The following TNFRSF19 variants were observed in gnomAD, a reference collection of about 807,000 sequenced individuals.
The protein encoded by TNFRSF19 is TNF receptor superfamily member 19, also known as tumor necrosis factor receptor superfamily member 19.
A neutral mutation model predicts 46.4 loss-of-function variants in TNFRSF19; 27 were observed. That is an observed-to-expected ratio of 0.58 (90% CI 0.43 to 0.80). TNFRSF19 has a LOEUF of 0.80. Ranked by LOEUF, TNFRSF19 falls within the 30% of genes least tolerant of loss-of-function variation. TNFRSF19 has a pLI of 0.00. For synonymous variants in TNFRSF19, 204 were observed against 205.0 expected, an observed-to-expected ratio of 1.00 and a Z score of 0.04; for missense variants, 511 against 530.8, an observed-to-expected ratio of 0.96 and a Z score of 0.37.
Position 23,587,411 on chromosome 13 carries a change from T to G in TNFRSF19, c.-34-2739T>G, listed in dbSNP as rs532162400. Among the ~76,000 whole-genome samples the G allele has an allele frequency of 3.3e-5, 5 of 152,340 alleles. No homozygotes were observed. The East Asian group carries it at 7.7e-4, about 24-fold the overall frequency. ...GGCCAGGCTATGTCAAAAGGTGTTT[T>G]GGAGATCACTACCTTGGCCAAGCTG... is the stretch of plus-strand genomic sequence containing the variant. On this transcript the variant is annotated intron_variant, in intron 1 of 9. Transcript: ENST00000248484.
intron 4 of TNFRSF19, among the ~76,000 whole-genome samples, chr13:23,623,610 T>A (rs1881813587): frequency 6.6e-6 from 1 of 152,192 alleles, no homozygotes; most frequent in Admixed American, 6.5e-5. Flanking sequence ...TGCCAACACT[T>A]GTTATTATCT....
At chr13:23,632,771 T>C (rs533403703) in intron 5 of TNFRSF19, among the ~76,000 whole-genome samples, 1 of 152,268 alleles carries the variant, frequency 6.6e-6, no homozygotes, top group African/African-American at 2.4e-5. Flanking sequence ...TTGGAACTCA[T>C]TTATTTTTTG....
intron 2 of TNFRSF19, among the ~76,000 whole-genome samples, chr13:23,593,009 A>T (rs1020551593): frequency 1.3e-4 from 20 of 151,816 alleles, no homozygotes; most frequent in Admixed American, 5.9e-4. Flanking sequence ...ATATCTTCTT[A>T]CTTAGAGAAG....
At chr13:23,591,724 C>T (rs201110498) in intron 2 of TNFRSF19, among the ~76,000 whole-genome samples, 6 of 84,782 alleles carry the variant, frequency 7.1e-5, no homozygotes, top group East Asian at 2.8e-4. Context: ...TTCTTTCTTT[C>T]TTTCTTTTTT....
intron 1 of TNFRSF19, among the ~76,000 whole-genome samples, chr13:23,586,560 T>A (rs1304900273): frequency 6.6e-6 from 1 of 152,226 alleles, no homozygotes; most frequent in Non-Finnish European, 1.5e-5. Context: ...TCCCCGGCAG[T>A]GCTCCCCTGT....
chr13:23,640,046 A>G (rs1882938821), intron 5 of TNFRSF19, among the ~76,000 whole-genome samples: 1 of 152,118 alleles, frequency 6.6e-6, no homozygotes, highest in Non-Finnish European at 1.5e-5. Flanking sequence ...ACACCTGACT[A>G]AGACACTGTA....
chr13:23,572,269 CT>C (rs964738422), intron 1 of TNFRSF19, among the ~76,000 whole-genome samples: 5 of 150,730 alleles, frequency 3.3e-5, no homozygotes, highest in African/African-American at 9.8e-5. Context: ...GAGGCATTTG[CT>C]TTTTTTTTCT....
rs138634567 is a variant in TNFRSF19 at position 23,615,888 on chromosome 13, G to A, written c.202G>A (p.Glu68Lys). Residue 68 changes from glutamate (E) to lysine (K), a missense_variant, in exon 4 of 10, where the codon GAG becomes AAG. Coordinates refer to ENST00000248484, the MANE Select transcript of TNFRSF19 (RefSeq NM_148957.4). ...ACAGGAATGTGGCTTCGGCTATGGG[G>A]AGGATGCACAGTGTGTGACGTGCCG... ...LSKECGFGYG[E>K]DAQCVTCRLH... 5.5e-5 allele frequency: 89 copies of A among 1,610,198 alleles called. No homozygotes were observed. Among genetic ancestry groups the A allele is most frequent in the Non-Finnish European group, 6.3e-5 (74 of 1,177,802 alleles).
chr13:23,651,644 T>C (rs1024151488), intron 5 of TNFRSF19, among the ~76,000 whole-genome samples: 1 of 152,140 alleles, frequency 6.6e-6, no homozygotes, highest in African/African-American at 2.4e-5. Context: ...AAAATGAAGT[T>C]TATAAGCCAT....
intron 3 of TNFRSF19, among the ~76,000 whole-genome samples, chr13:23,599,320 G>A (rs1879960205): frequency 6.6e-6 from 1 of 152,194 alleles, no homozygotes; most frequent in Non-Finnish European, 1.5e-5. Context: ...GACTGCTGAT[G>A]GAAAGAGTGA....
At chr13:23,638,411 G>A (rs1477173312) in intron 5 of TNFRSF19, among the ~76,000 whole-genome samples, 4 of 152,188 alleles carry the variant, frequency 2.6e-5, no homozygotes, top group African/African-American at 9.7e-5. Flanking sequence ...CCTTCAGTCA[G>A]CCCTGCAGTT....
intron 9 of TNFRSF19, chr13:23,669,561 C>T (rs1190467225): frequency 2.0e-6 from 2 of 985,284 alleles, no homozygotes; most frequent in East Asian, 2.3e-4. Flanking sequence ...CTCTCCTTGG[C>T]TGTTGTTTTC....
At chr13:23,654,414 A>ACTGC (rs1295908862) in intron 5 of TNFRSF19, among the ~76,000 whole-genome samples, 1 of 151,884 alleles carries the variant, frequency 6.6e-6, no homozygotes, top group Non-Finnish European at 1.5e-5. Flanking sequence ...CAGCATGCTT[A>ACTGC]CTGCCCCCAC....
intron 5 of TNFRSF19, among the ~76,000 whole-genome samples, chr13:23,642,214 A>G (rs2138340124): frequency 6.6e-6 from 1 of 152,290 alleles, no homozygotes; most frequent in South Asian, 2.1e-4. Flanking sequence ...GGCTATGGGG[A>G]CACATGCATC....
At chr13:23,635,852 A>G (rs1465831843) in intron 5 of TNFRSF19, among the ~76,000 whole-genome samples, 1 of 152,210 alleles carries the variant, frequency 6.6e-6, no homozygotes, top group African/African-American at 2.4e-5. Context: ...AACTTTCAAA[A>G]TAATTTTTGA....
chr13:23,634,435 G>A (rs940571539), intron 5 of TNFRSF19, among the ~76,000 whole-genome samples: 19 of 152,274 alleles, frequency 1.2e-4, no homozygotes, highest in African/African-American at 4.1e-4. Context: ...CAATCAACAG[G>A]TTGTGATTTG....
At chr13:23,626,027 T>C (rs1005770597) in intron 4 of TNFRSF19, among the ~76,000 whole-genome samples, 1 of 152,208 alleles carries the variant, frequency 6.6e-6, no homozygotes, top group African/African-American at 2.4e-5. Context: ...TTTTCAATTA[T>C]AGTGTTCATT....
At chr13:23,664,930 G>A (rs1951595409) in intron 7 of TNFRSF19, among the ~76,000 whole-genome samples, 1 of 152,138 alleles carries the variant, frequency 6.6e-6, no homozygotes, top group Non-Finnish European at 1.5e-5. Context: ...AAACTTCCAG[G>A]ACCACTATGG....
chr13:23,665,633 TA>T (rs1296040465), intron 7 of TNFRSF19, among the ~76,000 whole-genome samples: 2 of 152,198 alleles, frequency 1.3e-5, no homozygotes, highest in African/African-American at 4.8e-5. Context: ...TGTGTGTGTA[TA>T]CTTGTTTTTC....
Sources: gnomAD v4.1 joint callset for allele counts (sites outside exome capture counted in the v4.1 genomes callset) on GRCh38, gnomAD v4.1.1 for gene constraint, MANE v1.5 for transcripts, NCBI Gene and HGNC (gene_info 2026-07-23, HGNC 2026-07-21) for gene names.